ALK: variants seen among roughly 807,000 people sequenced by gnomAD.
The protein encoded by ALK is ALK receptor tyrosine kinase.
In ALK, 74 loss-of-function variants were observed where a neutral mutation model predicts 163.1. The observed-to-expected ratio is 0.45, with a 90% confidence interval of 0.38 to 0.55. The LOEUF is 0.55. ALK is among the 20% of genes least tolerant of loss of function. ALK has a pLI of 0.00. For missense variants in ALK, 2,063 were observed against 2,105.3 expected (o/e 0.98, Z 0.39); for synonymous variants, 960 against 843.2 (o/e 1.14, Z -2.40).
chr2:29,554,409 A>G (rs1250264050), intron 3 of ALK, among the ~76,000 whole-genome samples: 1 of 152,216 alleles, frequency 6.6e-6, no homozygotes, highest in African/African-American at 2.4e-5. Flanking sequence ...GATTTAGAAA[A>G]GAGCTTGCAA....
chr2:29,789,919 G>T (rs1409137943), intron 1 of ALK, among the ~76,000 whole-genome samples: 1 of 152,182 alleles, frequency 6.6e-6, no homozygotes, highest in Non-Finnish European at 1.5e-5. Context: ...ATTTGTTGAG[G>T]ATGTCAGACC....
intron 16 of ALK, among the ~76,000 whole-genome samples, chr2:29,228,321 C>T (rs569408561): frequency 1.5e-4 from 23 of 152,362 alleles, no homozygotes; most frequent in African/African-American, 5.0e-4. Context: ...CTCCCAGCCT[C>T]TCAGCTTCAG....
intron 3 of ALK, among the ~76,000 whole-genome samples, chr2:29,692,659 G>A (rs1462798501): frequency 1.3e-5 from 2 of 152,190 alleles, no homozygotes; most frequent in Admixed American, 6.5e-5. Context: ...AGTAATGCTG[G>A]CTTGCTTGCT....
At chr2:29,637,391 A>G (rs1347068497) in intron 3 of ALK, among the ~76,000 whole-genome samples, 1 of 152,210 alleles carries the variant, frequency 6.6e-6, no homozygotes, top group Non-Finnish European at 1.5e-5. Flanking sequence ...ACAAAAGTGT[A>G]GAAATGGAGA....
At chr2:29,398,931 C>T (rs76436923) in intron 4 of ALK, among the ~76,000 whole-genome samples, 7,110 of 152,164 alleles carry the variant, frequency 0.047, 573 homozygotes, top group African/African-American at 0.16. Context: ...GACACTCAGG[C>T]TCTTCATGGC....
chr2:29,498,753 G>C (rs1380587491), intron 4 of ALK, among the ~76,000 whole-genome samples: 1 of 152,248 alleles, frequency 6.6e-6, no homozygotes, highest in African/African-American at 2.4e-5. Context: ...ATTGAGATAA[G>C]TATGTAATGA....
At chr2:29,741,661 A>G (rs1680060983) in intron 1 of ALK, among the ~76,000 whole-genome samples, 2 of 152,186 alleles carry the variant, frequency 1.3e-5, no homozygotes, top group Admixed American at 1.3e-4. Context: ...AGTCAATGAG[A>G]AGCTGACAGC....
chr2:29,867,722 T>C (rs1378582480), intron 1 of ALK, among the ~76,000 whole-genome samples: 3 of 152,190 alleles, frequency 2.0e-5, no homozygotes, highest in Non-Finnish European at 2.9e-5. Context: ...AGCACCCTTG[T>C]TCCAGCAGCC....
chr2:29,729,744 C>T (rs1679683018), intron 1 of ALK, among the ~76,000 whole-genome samples: 1 of 152,166 alleles, frequency 6.6e-6, no homozygotes, highest in African/African-American at 2.4e-5. Flanking sequence ...TGTTATTTGC[C>T]TTCATGCAGC....
intron 3 of ALK, among the ~76,000 whole-genome samples, chr2:29,595,074 A>G (rs1345827476): frequency 6.6e-6 from 1 of 152,224 alleles, no homozygotes; most frequent in African/African-American, 2.4e-5. Context: ...GTGAAAATCA[A>G]TCCTCCTCCC....
intron 1 of ALK, among the ~76,000 whole-genome samples, chr2:29,785,748 C>T (rs1663993247): frequency 6.6e-6 from 1 of 152,050 alleles, no homozygotes; most frequent in Non-Finnish European, 1.5e-5. Context: ...AGCCACAGAC[C>T]ACTACCACAC....
At chr2:29,651,686 T>C (rs775886170) in intron 3 of ALK, among the ~76,000 whole-genome samples, 5 of 152,176 alleles carry the variant, frequency 3.3e-5, no homozygotes, top group Non-Finnish European at 4.4e-5. Flanking sequence ...CTTGGAGTCG[T>C]GTAGTGACAA....
intron 4 of ALK, among the ~76,000 whole-genome samples, chr2:29,495,505 A>T (rs1672002170): frequency 6.6e-6 from 1 of 152,194 alleles, no homozygotes; most frequent in Non-Finnish European, 1.5e-5. Context: ...TAGCCCTGGC[A>T]TACTAGTGCT....
At chr2:29,592,868 A>G (rs2148208135) in intron 3 of ALK, among the ~76,000 whole-genome samples, 1 of 152,296 alleles carries the variant, frequency 6.6e-6, no homozygotes, top group East Asian at 1.9e-4. Flanking sequence ...TCCAGGAACC[A>G]CCAGAACTGG....
chr2:29,391,315 G>GT (rs33961453), intron 4 of ALK, among the ~76,000 whole-genome samples: 2 of 143,700 alleles, frequency 1.4e-5, no homozygotes. Flanking sequence ...TGGGGGGGGG[G>GT]TGGTGGTGTG....
chr2:29,617,650 C>T (rs59884086), intron 3 of ALK, among the ~76,000 whole-genome samples: 3,917 of 152,216 alleles, frequency 0.026, 94 homozygotes, highest in South Asian at 0.056. Context: ...AGCAAGAAAC[C>T]CCCCTTCCCT....
At chr2:29,858,125 C>T (rs930041337) in intron 1 of ALK, among the ~76,000 whole-genome samples, 14 of 152,086 alleles carry the variant, frequency 9.2e-5, no homozygotes, top group African/African-American at 2.2e-4. Flanking sequence ...GCATTAGTTT[C>T]TGTATCCATC....
chr2:29,282,785 C>G (rs545418659), intron 9 of ALK, among the ~76,000 whole-genome samples: 2 of 152,150 alleles, frequency 1.3e-5, no homozygotes, highest in African/African-American at 4.8e-5. Flanking sequence ...GAGAATCACT[C>G]AGACCCTTCC....
intron 4 of ALK, among the ~76,000 whole-genome samples, chr2:29,414,895 T>C (rs1386035739): frequency 6.7e-6 from 1 of 149,780 alleles, no homozygotes; most frequent in East Asian, 2.0e-4. Context: ...AACTGCCATA[T>C]TTAAGGAAGC....
Sources: gnomAD v4.1 joint callset for allele counts (sites outside exome capture counted in the v4.1 genomes callset) on GRCh38, gnomAD v4.1.1 for gene constraint, MANE v1.5 for transcripts, NCBI Gene and HGNC (gene_info 2026-07-23, HGNC 2026-07-21) for gene names.